Variants in ETFDH observed in about 807,000 individuals in gnomAD.
The protein encoded by ETFDH is electron transfer flavoprotein-ubiquinone oxidoreductase, mitochondrial.
In ETFDH, 61 loss-of-function variants were observed where a neutral mutation model predicts 73.2. The ratio of observed to expected loss-of-function variants is 0.83; its 90% CI spans 0.68 to 1.03. The LOEUF (loss-of-function observed/expected upper bound fraction) is 1.03. Ranked by LOEUF, ETFDH falls within the 50% of genes least tolerant of loss-of-function variation. The probability of loss-of-function intolerance (pLI) is 0.00; values close to 1 mark genes in which losing one functional copy is unlikely to be tolerated. For synonymous variants in ETFDH, 243 were observed against 253.3 expected (o/e 0.96, Z 0.39); for missense variants, 685 against 745.0 (o/e 0.92, Z 0.94).
chr4:158,698,771 A>C (rs893683669), intron 8 of ETFDH, among the ~76,000 whole-genome samples: 1 of 152,212 alleles, frequency 6.6e-6, no homozygotes, highest in Non-Finnish European at 1.5e-5. Flanking sequence ...AATTTTGATG[A>C]TAATAAACAC....
chr4:158,678,442 C>T (rs1295622645), intron 1 of ETFDH, among the ~76,000 whole-genome samples: 2 of 152,156 alleles, frequency 1.3e-5, no homozygotes, highest in Non-Finnish European at 2.9e-5. Flanking sequence ...CTTTTCACCA[C>T]ATCATATCAG....
intron 7 of ETFDH, among the ~76,000 whole-genome samples, 193 bp from the exon 8 acceptor site, chr4:158,697,366 A>G (rs1210124702): frequency 6.6e-6 from 1 of 152,162 alleles, no homozygotes; most frequent in Non-Finnish European, 1.5e-5. Flanking sequence ...AAGTGCTAGG[A>G]TTGCAGGCGT....
intron 9 of ETFDH, among the ~76,000 whole-genome samples, chr4:158,699,523 T>C (rs1352071799): frequency 1.3e-5 from 2 of 152,182 alleles, no homozygotes; most frequent in Admixed American, 6.5e-5. Context: ...TGAGCCAAGA[T>C]TGTGCCACTG....
chr4:158,681,819 A>C (rs1773866264), intron 2 of ETFDH: 1 of 318,034 alleles, frequency 3.1e-6, no homozygotes, highest in South Asian at 2.8e-5. Context: ...TAGGCTGTTC[A>C]ATTAGTTTGT....
rs932843866 is a variant in ETFDH, at chr4:158,680,499, A to G, written c.67A>G (p.Lys23Glu). The change falls in exon 2 of 13, where the codon AAA becomes GAA. Residue 23 changes from lysine to glutamate, a missense_variant. Transcript: ENST00000511912. ...YQCFHALKIK[K>E]NYLPLCATRW... ...GTGCTTTCATGCCTTAAAAATTAAG[A>G]AAAATTATCTACCTCTATGTGCTAC... is the stretch of plus-strand genomic sequence containing the variant. 2 of 1,605,910 alleles carry G rather than the reference A, an allele frequency of 1.2e-6. No homozygotes were observed. Among genetic ancestry groups the G allele is most frequent in the African/African-American group, 1.3e-5 (1 of 74,958 alleles).
intron 1 of ETFDH, 80 bp from the exon 2 acceptor site, chr4:158,680,387 A>T: frequency 2.2e-6 from 2 of 929,258 alleles, no homozygotes; most frequent in South Asian, 1.3e-5. Flanking sequence ...CATTGAGTAT[A>T]GTCATTCACT....
rs377132634 is a variant in ETFDH at position 158,672,489 on chromosome 4, G to C, written c.33G>C (p.Leu11=). 3.1e-6 allele frequency: 5 copies of C among 1,614,156 alleles called. No homozygotes were observed. Among genetic ancestry groups the C allele is most frequent in the Non-Finnish European group, 4.2e-6 (5 of 1,179,998 alleles). The part of the protein sequence containing the change: MLVPLAKLSC[L]AYQCFHALKI... ...TGCCGCTAGCCAAGCTGTCCTGCCT[G>C]GGTGAGAGGAAACGGGCGGTGGGGA... Residue 11 remains leucine, a splice_region_variant and synonymous_variant, in exon 1 of 13, where the codon CTG becomes CTC. Transcript: ENST00000511912.
In ETFDH at chr4:158,691,470, G is replaced by A. The variant is rs756830950; in HGVS notation, c.684+1045G>A. The stretch of plus-strand genomic sequence containing the variant: ...CTCCCGAGTAGCTGGGATTACAGGC[G>A]TGCGCCACCATACCTGGCTACTTTT... On this transcript the variant is annotated intron_variant, in intron 6 of 12. Transcript: ENST00000511912. 7.2e-5 allele frequency among the ~76,000 whole-genome samples: 11 copies of A among 152,088 alleles called. 1 individual carries two copies. Among genetic ancestry groups the A allele is most frequent in the Admixed American group, 5.9e-4 (9 of 15,268 alleles).
intron 1 of ETFDH, among the ~76,000 whole-genome samples, chr4:158,677,835 T>C (rs1047607212): frequency 1.3e-5 from 2 of 152,220 alleles, no homozygotes; most frequent in Non-Finnish European, 2.9e-5. Flanking sequence ...TGGGTTTCTT[T>C]GGAATCCCCC....
chr4:158,706,589 A>T, intron 11 of ETFDH, 40 bp from the exon 12 acceptor site: 1 of 1,527,884 alleles, frequency 6.5e-7, no homozygotes, highest in Non-Finnish European at 9.1e-7. Flanking sequence ...AGTACTTCAA[A>T]ATCATATTTT....
chr4:158,698,125 C>T (rs1270877423), intron 8 of ETFDH, among the ~76,000 whole-genome samples: 3 of 152,118 alleles, frequency 2.0e-5, no homozygotes, highest in African/African-American at 7.2e-5. Context: ...GAAATCAGCA[C>T]TAGATTTGAA....
intron 5 of ETFDH, among the ~76,000 whole-genome samples, chr4:158,686,288 A>G (rs1774002632): frequency 6.6e-6 from 1 of 152,136 alleles, no homozygotes; most frequent in Non-Finnish European, 1.5e-5. Context: ...CATAGCTGAC[A>G]CTCCTATAAC....
intron 1 of ETFDH, among the ~76,000 whole-genome samples, chr4:158,676,463 A>G (rs1241757548): frequency 2.0e-5 from 3 of 152,234 alleles, no homozygotes; most frequent in South Asian, 2.1e-4. Context: ...CTCTTAAACC[A>G]TAATTTCTAA....
chr4:158,690,461 G>A (rs368449681), intron 6 of ETFDH, 36 bp downstream of exon 6: 319 of 1,173,438 alleles, frequency 2.7e-4, no homozygotes, highest in South Asian at 1.6e-3. Context: ...TTAATAAAGC[G>A]ACAAACAACA....
chr4:158,703,635 T>G, intron 10 of ETFDH, 44 bp downstream of exon 10: 3 of 1,163,700 alleles, frequency 2.6e-6, no homozygotes, highest in Non-Finnish European at 3.9e-6. Context: ...AATTGCTGGG[T>G]TATGTGTATT....
intron 5 of ETFDH, 94 bp from the exon 6 acceptor site, chr4:158,690,254 T>C (rs1774128026): frequency 4.0e-6 from 3 of 756,952 alleles, no homozygotes; most frequent in Admixed American, 3.8e-5. Context: ...AGAGAAGATG[T>C]TCACCTTCTA....
chr4:158,685,282 A>C, intron 5 of ETFDH, 63 bp downstream of exon 5: 1 of 870,490 alleles, frequency 1.1e-6, no homozygotes. Flanking sequence ...TAAGTGGAGA[A>C]TTTTATAAAG....
chr4:158,708,497 TGGA>T lies in ETFDH; in HGVS notation c.1831_1833del (p.Gly611del), dbSNP rs1774703982. On this transcript the variant is annotated inframe_deletion, in exon 13 of 13. Transcript: ENST00000511912. ...ATATTAACTGGGTGGTACCTGAAGG[TGGA>T]GGAGGACCTGCTTACAATGGAATGT... The T allele has an allele frequency of 6.2e-7, 1 of 1,613,574 alleles. No individual in the cohort carries two copies. Among genetic ancestry groups the T allele is most frequent in the Non-Finnish European group, 8.5e-7 (1 of 1,179,656 alleles).
At chr4:158,708,315 A>G in intron 12 of ETFDH, 49 bp from the exon 13 acceptor site, 2 of 1,449,058 alleles carry the variant, frequency 1.4e-6, no homozygotes, top group Non-Finnish European at 1.9e-6. Context: ...TTGAATTTAA[A>G]AATTTTTTAA....
Sources: gnomAD v4.1 joint callset for allele counts (sites outside exome capture counted in the v4.1 genomes callset) on GRCh38, gnomAD v4.1.1 for gene constraint, MANE v1.5 for transcripts, NCBI Gene and HGNC (gene_info 2026-07-23, HGNC 2026-07-21) for gene names.